Variants in SEMA6D observed in about 807,000 individuals in gnomAD.
SEMA6D encodes semaphorin-6D.
SEMA6D carries 35 observed loss-of-function variants against 106.6 expected under a neutral mutation model. The ratio of observed to expected loss-of-function variants is 0.33; its 90% confidence interval spans 0.25 to 0.44. The LOEUF is 0.44. SEMA6D is among the 20% of genes least tolerant of loss of function. The pLI is 1.00. For synonymous variants in SEMA6D, 499 were observed against 487.7 expected (o/e 1.02, Z -0.31); for missense variants, 1,185 against 1,345.9 (o/e 0.88, Z 1.87).
At chr15:47,253,361 A>T (rs1412877864) in intron 1 of SEMA6D, among the ~76,000 whole-genome samples, 3 of 151,970 alleles carry the variant, frequency 2.0e-5, no homozygotes, top group Non-Finnish European at 4.4e-5. Flanking sequence ...TTTTGCTTTG[A>T]TGTAATCCCA....
intron 1 of SEMA6D, among the ~76,000 whole-genome samples, chr15:47,202,960 A>G (rs1410146163): frequency 1.3e-5 from 2 of 152,214 alleles, no homozygotes; most frequent in African/African-American, 2.4e-5. Flanking sequence ...TCTCTCTCCA[A>G]CAACATCTCT....
chr15:47,448,420 GTTA>G (rs2042091474), intron 2 of SEMA6D, among the ~76,000 whole-genome samples: 2 of 152,070 alleles, frequency 1.3e-5, no homozygotes, highest in African/African-American at 4.8e-5. Flanking sequence ...GGGAGGCCTG[GTTA>G]TTGACACCTG....
At position 47,249,463 on chromosome 15, in the gene SEMA6D, T is replaced by C. The variant is rs2033387535; in HGVS notation, c.-239+65045T>C. Among the ~76,000 whole-genome samples, 3 of 150,322 alleles carry C rather than the reference T, an allele frequency of 2.0e-5. 1 individual carries two copies. Among genetic ancestry groups the C allele is most frequent in the South Asian group, 4.2e-4 (2 of 4,748 alleles). On this transcript the variant is annotated intron_variant, in intron 1 of 19. Coordinates refer to the SEMA6D transcript ENST00000558014. ...AATCATGTTTTTTTTTTTCTGTGGG[T>C]TCCTCATCAACCACCCCCCTACTCT...
chr15:47,396,211 C>T (rs2040209366), intron 1 of SEMA6D: 1 of 152,092 alleles, frequency 6.6e-6, no homozygotes, highest in Admixed American at 6.6e-5. Flanking sequence ...TTAAGCCACC[C>T]AGTCTATGGT....
At chr15:47,497,359 A>T (rs2043702524) in intron 3 of SEMA6D, among the ~76,000 whole-genome samples, 1 of 151,904 alleles carries the variant, frequency 6.6e-6, no homozygotes, top group South Asian at 2.1e-4. Flanking sequence ...CTCCAAGCTG[A>T]TGCCTTATTT....
chr15:47,362,718 C>G (rs1486293018), intron 1 of SEMA6D, among the ~76,000 whole-genome samples: 1 of 152,150 alleles, frequency 6.6e-6, no homozygotes, highest in African/African-American at 2.4e-5. Context: ...TAATGAAGCC[C>G]CCACAGTGGC....
At chr15:47,411,775 G>A (rs1205049870) in intron 1 of SEMA6D, among the ~76,000 whole-genome samples, 1 of 152,022 alleles carries the variant, frequency 6.6e-6, no homozygotes, top group African/African-American at 2.4e-5. Context: ...TGTCTGTGTG[G>A]CCACTTCCGG....
At chr15:47,502,650 T>G (rs2043892563) in intron 3 of SEMA6D, among the ~76,000 whole-genome samples, 1 of 152,208 alleles carries the variant, frequency 6.6e-6, no homozygotes, top group Non-Finnish European at 1.5e-5. Context: ...GATGGCTCCC[T>G]TCTATTCCAA....
intron 1 of SEMA6D, among the ~76,000 whole-genome samples, chr15:47,296,925 A>G (rs775663288): frequency 9.9e-5 from 15 of 152,122 alleles, no homozygotes; most frequent in Admixed American, 3.3e-4. Context: ...TCATCTTTAC[A>G]TTTCGGTCTG....
intron 1 of SEMA6D, among the ~76,000 whole-genome samples, chr15:47,754,215 G>C (rs79925748): frequency 0.22 from 33,178 of 152,042 alleles, 4,321 homozygotes; most frequent in South Asian, 0.34. Flanking sequence ...GACATAGTGA[G>C]ACCTCACCTC....
intron 1 of SEMA6D, among the ~76,000 whole-genome samples, chr15:47,262,711 T>C: frequency 6.6e-6 from 1 of 152,028 alleles, no homozygotes; most frequent in Admixed American, 6.6e-5. Flanking sequence ...AAAATTCACA[T>C]GGAACCACAG....
chr15:47,367,664 ACACGCACGCTCACACGCG>A (rs2039082964), intron 1 of SEMA6D, among the ~76,000 whole-genome samples: 1 of 149,690 alleles, frequency 6.7e-6, no homozygotes, highest in Non-Finnish European at 1.5e-5. Context: ...CTTCCCCTAA[ACACGCACGCTCACACGCG>A]CGCGCGCGCG....
At chr15:47,711,184 C>G (rs1261969444) in intron 4 of SEMA6D, among the ~76,000 whole-genome samples, 1 of 150,538 alleles carries the variant, frequency 6.6e-6, no homozygotes, top group Non-Finnish European at 1.5e-5. Flanking sequence ...GTGGCGGGCG[C>G]CTGTAGTCCC....
At chr15:47,588,421 C>T (rs1450857872) in intron 3 of SEMA6D, among the ~76,000 whole-genome samples, 4 of 152,216 alleles carry the variant, frequency 2.6e-5, no homozygotes, top group Non-Finnish European at 5.9e-5. Context: ...GCTGCCCCCT[C>T]CTTCACAGAC....
At chr15:47,709,363 C>T (rs1437541240) in intron 4 of SEMA6D, among the ~76,000 whole-genome samples, 1 of 152,108 alleles carries the variant, frequency 6.6e-6, no homozygotes, top group African/African-American at 2.4e-5. Context: ...ATAAACAGTC[C>T]CTTTATTAAA....
At chr15:47,733,085 CA>C (rs763907900) in intron 1 of SEMA6D, among the ~76,000 whole-genome samples, 1 of 152,218 alleles carries the variant, frequency 6.6e-6, no homozygotes, top group Non-Finnish European at 1.5e-5. Context: ...GTTCCTACTT[CA>C]AAAAGCTCAT....
intron 4 of SEMA6D, among the ~76,000 whole-genome samples, chr15:47,619,204 C>T (rs961793262): frequency 1.3e-5 from 2 of 152,206 alleles, no homozygotes; most frequent in African/African-American, 4.8e-5. Flanking sequence ...ACTTGCTTGC[C>T]TTCTTGTTTC....
chr15:47,614,099 G>C (rs564168110), intron 4 of SEMA6D, among the ~76,000 whole-genome samples: 4 of 152,116 alleles, frequency 2.6e-5, no homozygotes, highest in African/African-American at 9.6e-5. Flanking sequence ...TAAGTAGAGA[G>C]GCCCCAAAGA....
chr15:47,494,431 A>G (rs1212334720), intron 3 of SEMA6D, among the ~76,000 whole-genome samples: 1 of 151,994 alleles, frequency 6.6e-6, no homozygotes, highest in Non-Finnish European at 1.5e-5. Flanking sequence ...TAGATGTCCT[A>G]AAGAAATTTC....
Sources: gnomAD v4.1 joint callset for allele counts (sites outside exome capture counted in the v4.1 genomes callset) on GRCh38, gnomAD v4.1.1 for gene constraint, MANE v1.5 for transcripts, NCBI Gene and HGNC (gene_info 2026-07-23, HGNC 2026-07-21) for gene names.